Variants in CNOT9 observed in about 807,000 individuals in gnomAD.
CNOT9 encodes the protein CCR4-NOT transcription complex subunit 9.
Under a neutral mutation model 37.4 loss-of-function variants are expected in CNOT9, and 8 were observed. That is an observed-to-expected ratio of 0.21 (90% CI 0.13 to 0.39). The LOEUF (loss-of-function observed/expected upper bound fraction) is 0.39. Among genes scored for constraint, CNOT9 ranks in the 10% least tolerant of loss-of-function variants. The pLI is 1.00. For missense variants in CNOT9, 154 were observed against 365.3 expected (o/e 0.42, Z 4.71); for synonymous variants, 120 against 137.6 (o/e 0.87, Z 0.90).
intron 5 of CNOT9, among the ~76,000 whole-genome samples, chr2:218,588,558 G>A (rs1256128433): frequency 7.4e-6 from 1 of 134,874 alleles, no homozygotes; most frequent in East Asian, 2.3e-4. Context: ...CAAAGTGCTG[G>A]GTTTACAGTC....
intron 4 of CNOT9, chr2:218,587,317 T>A (rs1176527207): frequency 5.8e-5 from 18 of 312,726 alleles, no homozygotes; most frequent in South Asian, 4.2e-4. Flanking sequence ...GAGACGGGGT[T>A]TCACCATGTT....
chr2:218,587,457 A>C, intron 4 of CNOT9, 129 bp from the exon 5 acceptor site: 1 of 1,305,002 alleles, frequency 7.7e-7, no homozygotes, highest in Non-Finnish European at 9.8e-7. Flanking sequence ...TGTGAATCTG[A>C]TTCCTTTAAC....
intron 2 of CNOT9, 62 bp downstream of exon 2, chr2:218,580,802 C>T: frequency 3.5e-6 from 5 of 1,447,838 alleles, no homozygotes; most frequent in Non-Finnish European, 4.8e-6. Flanking sequence ...ATTTCTTTAC[C>T]TTTGCCCAAA....
chr2:218,582,958 T>A lies in CNOT9; in HGVS notation c.205-13T>A, dbSNP rs1341149915. ...TATTCCTTATTCATCTGATGCTGAT[T>A]TCCATTTTTTAGGAAATTGTAAATA... On this transcript the variant is annotated splice_polypyrimidine_tract_variant and intron_variant, in intron 2 of 7. Transcript: ENST00000273064. 2.0e-6 allele frequency: 3 copies of A among 1,482,468 alleles called. No homozygotes were observed. Among genetic ancestry groups the A allele is most frequent in the Non-Finnish European group, 2.8e-6 (3 of 1,062,242 alleles). The allele number at this position is 1,482,468 out of a possible 1,614,324, so 91.8% of individuals were successfully genotyped here.
At chr2:218,589,759 C>A (rs1694714553) in intron 5 of CNOT9, among the ~76,000 whole-genome samples, 1 of 152,202 alleles carries the variant, frequency 6.6e-6, no homozygotes, top group Non-Finnish European at 1.5e-5. Flanking sequence ...CTTCCCACTT[C>A]CCTCTCTGGA....
At position 218,580,693 on chromosome 2, in the gene CNOT9, G is replaced by GC; in HGVS notation, c.158dup (p.Pro54ThrfsTer35). The GC allele has an allele frequency of 1.2e-6, 2 of 1,614,168 alleles. No individual in the cohort carries two copies. Among genetic ancestry groups the GC allele is most frequent in the Non-Finnish European group, 1.7e-6 (2 of 1,180,016 alleles). Reference sequence around the variant, plus strand: ...GAAGCGAGAATCTGTTCCTGACCTTGCACCCATGCTGTGGCATTCATTTGG... The same window carrying GC: ...GAAGCGAGAATCTGTTCCTGACCTTGCCACCCATGCTGTGGCATTCATTTGG... On this transcript the variant is annotated frameshift_variant, in exon 2 of 8. Transcript: ENST00000273064. LOFTEE classifies it high-confidence loss of function.
At chr2:218,569,827 A>G in intron 1 of CNOT9, among the ~76,000 whole-genome samples, 1 of 149,570 alleles carries the variant, frequency 6.7e-6, no homozygotes, top group African/African-American at 2.5e-5. Flanking sequence ...TCTTCCTTGA[A>G]CTCTCCTTCC....
At chr2:218,576,168 T>A (rs1694161969) in intron 1 of CNOT9, among the ~76,000 whole-genome samples, 1 of 152,224 alleles carries the variant, frequency 6.6e-6, no homozygotes, top group South Asian at 2.1e-4. Flanking sequence ...TTACAGATTC[T>A]TTTTGTGAAA....
rs1179205546 is a variant in CNOT9, at chr2:218,574,036, C to A, written c.24+5058C>A. On this transcript the variant is annotated intron_variant, in intron 1 of 7. Coordinates refer to ENST00000273064, the MANE Select transcript of CNOT9 (RefSeq NM_005444.3). ...CCAGGCTGGAGTGCAGTGGTGTGAT[C>A]TTGGCTCACCGCAACCTCGACCTTC... The A allele has an allele frequency of 2.8e-5, 12 of 433,744 alleles. No individual in the cohort carries two copies. The East Asian group carries it at 9.6e-4, about 35-fold the overall frequency. The allele number at this position is 433,744 out of a possible 1,614,324, so 26.9% of individuals were successfully genotyped here.
intron 3 of CNOT9, 141 bp downstream of exon 3, chr2:218,583,227 GTGTGTGTCTCTC>G (rs1694469076): frequency 1.8e-4 from 37 of 210,088 alleles, no homozygotes; most frequent in Admixed American, 4.3e-4. Flanking sequence ...GTGTGTGTGT[GTGTGTGTCTCTC>G]TCTCTCTCTC....
intron 1 of CNOT9, among the ~76,000 whole-genome samples, chr2:218,580,044 C>T (rs2106085502): frequency 6.6e-6 from 1 of 150,982 alleles, no homozygotes; most frequent in Admixed American, 6.6e-5. Flanking sequence ...TCTCGGGTCA[C>T]TGCAACCTCC....
intron 7 of CNOT9, 166 bp from the exon 8 acceptor site, chr2:218,593,942 C>G: frequency 1.0e-6 from 1 of 964,742 alleles, no homozygotes; most frequent in Non-Finnish European, 1.5e-6. Flanking sequence ...TTGGAGATCT[C>G]TAAGCCTATG....
rs985978770 is a variant in CNOT9 at position 218,595,081 on chromosome 2, G to A, written c.*805G>A. On this transcript the variant is annotated 3_prime_UTR_variant, in exon 8 of 8. Transcript: ENST00000273064. ...TAGCTGCTAGTTTTCCCAAATCTCAGTGCTTTCCCTTTTTGAACTTCCCTT... is the reference window on the plus strand; with the variant it reads ...TAGCTGCTAGTTTTCCCAAATCTCAATGCTTTCCCTTTTTGAACTTCCCTT... The A allele has an allele frequency of 6.6e-6, 1 of 152,196 alleles. No homozygotes were observed. Among genetic ancestry groups the A allele is most frequent in the Non-Finnish European group, 1.5e-5 (1 of 68,062 alleles). 9.4% of individuals were successfully genotyped at this position (152,196 alleles called of 1,614,324 possible).
At chr2:218,586,142 C>G (rs1340113139) in intron 4 of CNOT9, among the ~76,000 whole-genome samples, 1 of 152,164 alleles carries the variant, frequency 6.6e-6, no homozygotes. Flanking sequence ...CCAAACTGAT[C>G]TATAGATTCA....
intron 1 of CNOT9, among the ~76,000 whole-genome samples, chr2:218,576,374 T>C (rs1405710578): frequency 6.6e-6 from 1 of 152,228 alleles, no homozygotes; most frequent in Non-Finnish European, 1.5e-5. Context: ...CAAAATTGCT[T>C]GTTATATGTC....
chr2:218,571,310 G>T (rs930392313), intron 1 of CNOT9, among the ~76,000 whole-genome samples: 5 of 152,138 alleles, frequency 3.3e-5, no homozygotes, highest in Admixed American at 6.6e-5. Flanking sequence ...CCAGCTACTT[G>T]GGAGGCTAAG....
chr2:218,574,579 G>A (rs1179256386), intron 1 of CNOT9, among the ~76,000 whole-genome samples: 2 of 152,170 alleles, frequency 1.3e-5, no homozygotes, highest in African/African-American at 4.8e-5. Context: ...TAGAGTTTCA[G>A]TCTCATTCTG....
intron 1 of CNOT9, among the ~76,000 whole-genome samples, chr2:218,577,038 C>T (rs940278186): frequency 6.6e-5 from 10 of 151,830 alleles, no homozygotes; most frequent in Non-Finnish European, 1.3e-4. Flanking sequence ...ATTAGCAAAG[C>T]GGTTAAAAGT....
intron 5 of CNOT9, among the ~76,000 whole-genome samples, chr2:218,589,738 G>C (rs1694713693): frequency 6.6e-6 from 1 of 152,164 alleles, no homozygotes; most frequent in Non-Finnish European, 1.5e-5. Context: ...GAACTCCGGG[G>C]CTCAAGCAGT....
Sources: allele counts gnomAD v4.1 joint callset (sites outside exome capture counted in the v4.1 genomes callset), GRCh38; gene constraint gnomAD v4.1.1; transcripts MANE v1.5; gene names NCBI Gene and HGNC (gene_info 2026-07-23, HGNC 2026-07-21).